The following CUL4B variants were observed in gnomAD, a reference collection of about 807,000 sequenced individuals.
CUL4B encodes the protein cullin 4B.
A neutral mutation model predicts 69.2 loss-of-function variants in CUL4B; 1 was observed. The ratio of observed to expected loss-of-function variants is 0.01; its 90% confidence interval spans 0.01 to 0.07. CUL4B has a LOEUF of 0.07. Ranked by LOEUF, CUL4B falls within the 10% of genes least tolerant of loss-of-function variation. The probability of loss-of-function intolerance (pLI) is 1.00; values close to 1 mark genes in which losing one functional copy is unlikely to be tolerated. For missense variants in CUL4B, 328 were observed against 638.8 expected (o/e 0.51, Z 5.24); for synonymous variants, 237 against 223.2 (o/e 1.06, Z -0.55).
rs181026623 is a variant in CUL4B, at chrX:120,550,616, T to G, written c.673-3377A>C. On this transcript the variant is annotated intron_variant, in intron 2 of 19. Coordinates refer to ENST00000371322, the MANE Select transcript of CUL4B (RefSeq NM_001079872.2). ...TTAAGCTGGGCTTTACAGCACAGAGTCTCACCTGTGTTTGGCTGGAGGGTG... is the reference window on the plus strand; with the variant it reads ...TTAAGCTGGGCTTTACAGCACAGAGGCTCACCTGTGTTTGGCTGGAGGGTG... Among the ~76,000 whole-genome samples, 16 of 111,675 alleles carry G rather than the reference T, an allele frequency of 1.4e-4. No homozygotes were observed. In the Admixed American group the frequency reaches 1.5e-3, roughly 11 times the overall value.
chrX:120,538,821 C>T (rs775334942), intron 12 of CUL4B, 51 bp from the exon 13 acceptor site: 2 of 820,437 alleles, frequency 2.4e-6, no homozygotes, highest in East Asian at 3.1e-5. Flanking sequence ...AAAGTACTGA[C>T]AAAACTGCTT....
chrX:120,536,347 C>T (rs1185216031), intron 15 of CUL4B, among the ~76,000 whole-genome samples: 1 of 112,594 alleles, frequency 8.9e-6, no homozygotes, highest in Non-Finnish European at 1.9e-5. Flanking sequence ...GAAATCTACT[C>T]CCTGGGCCTT....
intron 1 of CUL4B, among the ~76,000 whole-genome samples, chrX:120,559,233 T>C (rs1261969212): frequency 8.9e-6 from 1 of 112,203 alleles, no homozygotes; most frequent in Non-Finnish European, 1.9e-5. Flanking sequence ...TACCTGGCAG[T>C]TACGGGTGTT....
Position 120,545,526 on chromosome X carries a change from GA to G in CUL4B, c.847-10del, listed in dbSNP as rs762094686. On this transcript the variant is annotated splice_polypyrimidine_tract_variant and intron_variant, in intron 4 of 19. Coordinates refer to ENST00000371322, the MANE Select transcript of CUL4B (RefSeq NM_001079872.2). The stretch of plus-strand genomic sequence containing the variant: ...ATGCTCCTGATCATGATCTGCCAAT[GA>G]AAAAAAAAGAAATCAAACAAGTTTT... The G allele has an allele frequency of 1.0e-3, 1,135 of 1,096,758 alleles. 6 individuals carry two copies. The African/African-American group carries it at 0.017, about 16-fold the overall frequency. The allele number at this position is 1,096,758 out of a possible 1,213,427, so 90.4% of individuals were successfully genotyped here. A position where few individuals can be genotyped will look rare whatever the true frequency, so the allele number is the denominator to read the frequency against.
chrX:120,554,353 CAA>C (rs1198425297), intron 2 of CUL4B, among the ~76,000 whole-genome samples: 1 of 111,607 alleles, frequency 9.0e-6, no homozygotes, highest in African/African-American at 3.3e-5. Flanking sequence ...CTGGACAGCT[CAA>C]AAGTCAGTGC....
rs993168889 is a variant in CUL4B, at chrX:120,524,329, T to C, written c.*2432A>G. Among the ~76,000 whole-genome samples the C allele has an allele frequency of 9.0e-6, 1 of 111,659 alleles. No homozygotes were observed. The highest frequency in any genetic ancestry group is 1.9e-5 in the Non-Finnish European group (1 of 53,074). The stretch of plus-strand genomic sequence containing the variant: ...TTTCATATTGACTTTATGAAACAAT[T>C]TGACACTGAGGATTTGAATGAAGCA... On this transcript the variant is annotated 3_prime_UTR_variant, in exon 20 of 20. Transcript: ENST00000371322.
downstream of CUL4B, among the ~76,000 whole-genome samples, chrX:120,569,048 A>G (rs759263269): frequency 8.9e-6 from 1 of 112,138 alleles, no homozygotes; most frequent in Non-Finnish European, 1.9e-5. Context: ...AGTTCAGGCC[A>G]CCATCAAGCA....
intron 17 of CUL4B, among the ~76,000 whole-genome samples, chrX:120,533,389 T>C (rs1287689241): frequency 1.8e-5 from 2 of 112,132 alleles, no homozygotes; most frequent in Non-Finnish European, 3.8e-5. Flanking sequence ...TTTCATTTGC[T>C]AGACTTATCA....
chrX:120,546,788 T>TA (rs1015477884), intron 3 of CUL4B, among the ~76,000 whole-genome samples, 172 bp from the exon 4 acceptor site: 1 of 111,608 alleles, frequency 9.0e-6, no homozygotes, highest in African/African-American at 3.3e-5. Flanking sequence ...AAAAAAAACA[T>TA]AGTTTATACT....
chrX:120,551,401 A>G (rs911098012), intron 2 of CUL4B, among the ~76,000 whole-genome samples: 1 of 110,171 alleles, frequency 9.1e-6, no homozygotes, highest in Admixed American at 9.8e-5. Flanking sequence ...GGGTTTTACC[A>G]TGTTGGCCAG....
downstream of CUL4B, among the ~76,000 whole-genome samples, chrX:120,569,251 C>A (rs183099650): frequency 8.9e-6 from 1 of 112,013 alleles, no homozygotes; most frequent in Admixed American, 9.4e-5. Context: ...ATGTTCTACT[C>A]CCTTAGTATA....
downstream of CUL4B, among the ~76,000 whole-genome samples, chrX:120,570,839 A>G (rs994163406): frequency 1.8e-5 from 2 of 112,093 alleles, no homozygotes; most frequent in African/African-American, 3.2e-5. Context: ...AACTTTTTAA[A>G]TAAAGCTCAA....
chrX:120,547,759 G>C (rs1208492698), intron 2 of CUL4B, among the ~76,000 whole-genome samples: 1 of 111,565 alleles, frequency 9.0e-6, no homozygotes, highest in Non-Finnish European at 1.9e-5. Context: ...GTGGGCTGGG[G>C]AAGGCAGATC....
chrX:120,561,186 T>G (rs1925283428), upstream of CUL4B: 1 of 696,444 alleles, frequency 1.4e-6, no homozygotes. Flanking sequence ...GCGGGGGAGC[T>G]CGCGCGTGAG....
upstream of CUL4B, among the ~76,000 whole-genome samples, chrX:120,562,827 G>A (rs1278573619): frequency 9.0e-6 from 1 of 111,704 alleles, no homozygotes; most frequent in Non-Finnish European, 1.9e-5. Context: ...GCTCAAAAGT[G>A]CCTGGCACAC....
chrX:120,543,156 T>C, intron 8 of CUL4B, 123 bp from the exon 9 acceptor site: 1 of 471,032 alleles, frequency 2.1e-6, no homozygotes, highest in Non-Finnish European at 3.7e-6. Context: ...ATTCCTATCC[T>C]ATGTATAAAT....
chrX:120,565,862 A>G (rs1466634859), upstream of CUL4B, among the ~76,000 whole-genome samples: 1 of 103,209 alleles, frequency 9.7e-6, no homozygotes, highest in Non-Finnish European at 2.0e-5. Context: ...AGTAGCTGGG[A>G]CTACAGGCGC....
downstream of CUL4B, among the ~76,000 whole-genome samples, chrX:120,568,372 T>C (rs900091711): frequency 8.9e-6 from 1 of 111,883 alleles, no homozygotes; most frequent in Non-Finnish European, 1.9e-5. Context: ...AAAAGAAAAT[T>C]TAAATATTTT....
At chrX:120,533,774 A>G (rs1569387510) in intron 17 of CUL4B, among the ~76,000 whole-genome samples, 2 of 111,768 alleles carry the variant, frequency 1.8e-5, no homozygotes, top group African/African-American at 3.3e-5. Flanking sequence ...CTATGGTTAT[A>G]TAAAGAGTTC....
Sources: gnomAD v4.1 joint callset for allele counts (sites outside exome capture counted in the v4.1 genomes callset) on GRCh38, gnomAD v4.1.1 for gene constraint, MANE v1.5 for transcripts, NCBI Gene and HGNC (gene_info 2026-07-23, HGNC 2026-07-21) for gene names.